Variants in CHRM2 observed in about 807,000 individuals in gnomAD.
The protein encoded by CHRM2 is muscarinic acetylcholine receptor M2.
Under a neutral mutation model 25.0 loss-of-function variants are expected in CHRM2, and 8 were observed. That is an observed-to-expected ratio of 0.32 (90% confidence interval 0.19 to 0.58). The LOEUF (loss-of-function observed/expected upper bound fraction) is 0.58, where lower values mean the gene tolerates loss of function less well. CHRM2 is among the 20% of genes least tolerant of loss of function. CHRM2 has a pLI of 0.88. For synonymous variants in CHRM2, 202 were observed against 205.7 expected (o/e 0.98, Z 0.15); for missense variants, 440 against 567.1 (o/e 0.78, Z 2.28).
In CHRM2 at chr7:137,019,761, G is replaced by A. The variant is rs1171919405; in HGVS notation, c.*3495G>A. 1 of 151,772 alleles carries A rather than the reference G, an allele frequency of 6.6e-6. No homozygotes were observed. The highest frequency in any genetic ancestry group is 1.9e-4 in the East Asian group (1 of 5,142). The allele number at this position is 151,772 out of a possible 1,614,324, so 9.4% of individuals were successfully genotyped here. A position where few individuals can be genotyped will look rare whatever the true frequency, so the allele number is the denominator to read the frequency against. ...GTAATCAATATGAGAAGCCACAACG[G>A]GTAAGCTTTCTGATTTGAAATGTAC... is the stretch of plus-strand genomic sequence containing the variant. On this transcript the variant is annotated 3_prime_UTR_variant, in exon 4 of 4. Transcript: ENST00000680005.
At chr7:136,991,486 A>G (rs1803226688) in intron 2 of CHRM2, among the ~76,000 whole-genome samples, 1 of 152,034 alleles carries the variant, frequency 6.6e-6, no homozygotes, top group African/African-American at 2.4e-5. Context: ...TGTTCCCTTG[A>G]TATATTTGTC....
intron 2 of CHRM2, among the ~76,000 whole-genome samples, chr7:136,968,187 C>T (rs1563096498): frequency 2.6e-5 from 4 of 151,976 alleles, no homozygotes; most frequent in Admixed American, 2.6e-4. Context: ...AAAACTATTC[C>T]TCCTAACTGG....
At chr7:136,876,261 G>C (rs768120307) in intron 2 of CHRM2, among the ~76,000 whole-genome samples, 26 of 152,144 alleles carry the variant, frequency 1.7e-4, no homozygotes, top group Middle Eastern at 3.2e-3. Flanking sequence ...TTATAAAAAT[G>C]CTAGGCAACT....
At chr7:137,011,440 G>T (rs751271030) in intron 3 of CHRM2, among the ~76,000 whole-genome samples, 1 of 151,770 alleles carries the variant, frequency 6.6e-6, no homozygotes, top group Non-Finnish European at 1.5e-5. Flanking sequence ...TCAAAGCCCG[G>T]TCTGCCTGGA....
intron 3 of CHRM2, among the ~76,000 whole-genome samples, chr7:136,994,484 T>A (rs960673546): frequency 9.2e-5 from 14 of 151,400 alleles, no homozygotes; most frequent in South Asian, 2.1e-4. Flanking sequence ...TATATAATAT[T>A]CATTTTCTAT....
chr7:136,987,885 CTTATT>C (rs144151992), intron 2 of CHRM2, among the ~76,000 whole-genome samples: 2,118 of 152,090 alleles, frequency 0.014, 38 homozygotes, highest in African/African-American at 0.049. Flanking sequence ...TCCAAATTTT[CTTATT>C]TTATTACATA....
intron 2 of CHRM2, among the ~76,000 whole-genome samples, chr7:136,972,188 TAAATC>T (rs1345392173): frequency 1.3e-5 from 2 of 152,062 alleles, no homozygotes; most frequent in Non-Finnish European, 2.9e-5. Flanking sequence ...CAGAATAACA[TAAATC>T]TACCAACAGA....
Position 137,020,105 on chromosome 7 carries a change from G to A in CHRM2, c.*3839G>A, listed in dbSNP as rs1408370346. The A allele has an allele frequency of 1.3e-5, 2 of 151,714 alleles. No homozygotes were observed. Among genetic ancestry groups the A allele is most frequent in the East Asian group, 1.9e-4 (1 of 5,132 alleles). The allele number at this position is 151,714 out of a possible 1,614,324, so 9.4% of individuals were successfully genotyped here. On this transcript the variant is annotated 3_prime_UTR_variant, in exon 4 of 4. Transcript: ENST00000680005. The stretch of plus-strand genomic sequence containing the variant: ...AAAATGCTTCTCTTAAAGGGTGCAC[G>A]CTGTAGCATGAAATGTGTGCATATT...
intron 2 of CHRM2, chr7:136,902,099 A>G (rs906506357): frequency 2.0e-5 from 3 of 152,046 alleles, no homozygotes; most frequent in Admixed American, 6.6e-5. Context: ...TATGGCTTTC[A>G]TTAGGCTCCA....
intron 2 of CHRM2, chr7:136,898,725 A>G (rs1398656968): frequency 1.3e-5 from 2 of 152,068 alleles, no homozygotes; most frequent in African/African-American, 2.4e-5. Context: ...CACTGAGTGA[A>G]GTTGATCACG....
At chr7:136,949,458 C>CAAAAAAAAAAAAAAAAAAAA (rs1800261967) in intron 2 of CHRM2, among the ~76,000 whole-genome samples, 1 of 30,818 alleles carries the variant, frequency 3.2e-5, no homozygotes, top group African/African-American at 2.1e-4. Flanking sequence ...CTCTGCAAAA[C>CAAAAAAAAAAAAAAAAAAAA]TAAAAAAAAA....
rs193211927 is a variant in CHRM2 at position 136,983,452 on chromosome 7, C to T, written c.-124-8735C>T. Among the ~76,000 whole-genome samples the T allele has an allele frequency of 2.6e-5, 4 of 152,288 alleles. No individual in the cohort carries two copies. The East Asian group carries it at 7.7e-4, about 29-fold the overall frequency. On this transcript the variant is annotated intron_variant, in intron 2 of 3. Transcript: ENST00000680005. ...CTTCTGTCTATTCATCAAACTCATT[C>T]TCTGTCCAGTTTTGTTCCCTTGCTG...
intron 2 of CHRM2, among the ~76,000 whole-genome samples, chr7:136,900,784 C>T (rs545676502): frequency 6.6e-6 from 1 of 151,906 alleles, no homozygotes; most frequent in African/African-American, 2.4e-5. Flanking sequence ...TTTGGTTTTC[C>T]GTATGTGCAG....
At chr7:137,000,547 AGAAGGAAGGAAGGAAGGAAG>A (rs780148176) in intron 3 of CHRM2, among the ~76,000 whole-genome samples, 6 of 95,172 alleles carry the variant, frequency 6.3e-5, no homozygotes, top group Admixed American at 1.2e-4. Flanking sequence ...AAAGAAAGAA[AGAAGGAAGGAAGGAAGGAAG>A]GAAGGAAGGA....
At chr7:136,907,680 C>T (rs1797627739) in intron 2 of CHRM2, among the ~76,000 whole-genome samples, 1 of 151,814 alleles carries the variant, frequency 6.6e-6, no homozygotes, top group Non-Finnish European at 1.5e-5. Context: ...AACATACTTA[C>T]AAAATAGGCA....
chr7:136,949,651 G>A (rs1435611450), intron 2 of CHRM2, among the ~76,000 whole-genome samples: 1 of 151,812 alleles, frequency 6.6e-6, no homozygotes, highest in Non-Finnish European at 1.5e-5. Flanking sequence ...ATCTGGCTCT[G>A]GAGGTATACT....
intron 2 of CHRM2, among the ~76,000 whole-genome samples, chr7:136,974,498 G>C (rs1407153780): frequency 6.6e-6 from 1 of 152,150 alleles, no homozygotes; most frequent in African/African-American, 2.4e-5. Context: ...TTTTAGCAAA[G>C]ACTTGGAGGG....
At chr7:136,970,408 A>G (rs1377937949) in intron 2 of CHRM2, among the ~76,000 whole-genome samples, 1 of 152,184 alleles carries the variant, frequency 6.6e-6, no homozygotes, top group East Asian at 1.9e-4. Context: ...TTATTCAAAT[A>G]CTACCCATCT....
intron 3 of CHRM2, among the ~76,000 whole-genome samples, chr7:137,008,278 A>G (rs745482324): frequency 6.6e-6 from 1 of 152,066 alleles, no homozygotes; most frequent in Non-Finnish European, 1.5e-5. Context: ...CTTGCTTCCA[A>G]TGATACTCTG....
Sources: allele counts gnomAD v4.1 joint callset (sites outside exome capture counted in the v4.1 genomes callset), GRCh38; gene constraint gnomAD v4.1.1; transcripts MANE v1.5; gene names NCBI Gene and HGNC (gene_info 2026-07-23, HGNC 2026-07-21).